The following GARNL3 variants were observed in gnomAD, a reference collection of about 807,000 sequenced individuals.
GARNL3 encodes the protein GTPase activating Rap/RanGAP domain like 3.
GARNL3 carries 63 observed loss-of-function variants against 125.0 expected under a neutral mutation model. The ratio of observed to expected loss-of-function variants is 0.50; its 90% CI spans 0.41 to 0.62. The LOEUF (loss-of-function observed/expected upper bound fraction) is 0.62, where lower values mean the gene tolerates loss of function less well. Among genes scored for constraint, GARNL3 ranks in the 20% least tolerant of loss-of-function variants. The pLI is 0.00. For missense variants in GARNL3, 994 were observed against 1,244.0 expected (o/e 0.80, Z 3.02); for synonymous variants, 439 against 457.5 (o/e 0.96, Z 0.52).
chr9:127,341,656 C>A (rs181886362), intron 13 of GARNL3, among the ~76,000 whole-genome samples: 6 of 152,232 alleles, frequency 3.9e-5, no homozygotes, highest in Admixed American at 3.3e-4. Flanking sequence ...AAGGAAGGGG[C>A]CGCTAAAGAC....
intron 2 of GARNL3, among the ~76,000 whole-genome samples, chr9:127,256,015 C>T (rs2063489295): frequency 6.6e-6 from 1 of 152,182 alleles, no homozygotes; most frequent in African/African-American, 2.4e-5. Context: ...CAAGGGATTT[C>T]CCCAAAGAAG....
At chr9:127,297,970 A>G (rs571672594) in intron 2 of GARNL3, among the ~76,000 whole-genome samples, 3 of 152,212 alleles carry the variant, frequency 2.0e-5, no homozygotes, top group African/African-American at 4.8e-5. Flanking sequence ...TTCAATTGCT[A>G]TTTCCCAAAC....
chr9:127,314,298 T>C (rs2065174919), intron 4 of GARNL3, among the ~76,000 whole-genome samples: 1 of 152,190 alleles, frequency 6.6e-6, no homozygotes, highest in Non-Finnish European at 1.5e-5. Flanking sequence ...TTGCAGCCAC[T>C]GAGTTGCTAC....
intron 1 of GARNL3, among the ~76,000 whole-genome samples, chr9:127,282,188 TAGTA>T (rs768149576): frequency 1.1e-3 from 168 of 152,304 alleles, no homozygotes; most frequent in Admixed American, 1.8e-3. Context: ...GTCCAGCAGT[TAGTA>T]CAGGCCCTGA....
rs979007203 is a variant in GARNL3, at chr9:127,375,120, G to A, written c.2162-8318G>A. On this transcript the variant is annotated intron_variant, in intron 22 of 27. Coordinates refer to ENST00000373387, the MANE Select transcript of GARNL3 (RefSeq NM_032293.5). ...CAGTTCTTCAAAAAGTTAAACATTC[G>A]CTCACCATATGGCCCAGCCGTTCCA... 6.6e-5 allele frequency among the ~76,000 whole-genome samples: 10 copies of A among 152,096 alleles called. No homozygotes were observed. The East Asian group carries it at 1.2e-3, about 18-fold the overall frequency.
chr9:127,276,380 ATT>A (rs1554897934), intron 1 of GARNL3, among the ~76,000 whole-genome samples: 1 of 136,834 alleles, frequency 7.3e-6, no homozygotes. Context: ...CCTTCTCAGC[ATT>A]TTTTTTTTTT....
chr9:127,332,357 A>T lies in GARNL3; in HGVS notation c.670+8A>T. Reference sequence around the variant, plus strand: ...ATGAGATGTTCAGCAATGGTGAGTGATCTCCTCCCGCTCTCTGCTGCCAGA... The same window carrying T: ...ATGAGATGTTCAGCAATGGTGAGTGTTCTCCTCCCGCTCTCTGCTGCCAGA... On this transcript the variant is annotated splice_region_variant and intron_variant, in intron 8 of 27. Transcript: ENST00000373387. 6.2e-7 allele frequency: 1 copy of T among 1,611,188 alleles called. No individual in the cohort carries two copies. The highest frequency in any genetic ancestry group is 8.5e-7 in the Non-Finnish European group (1 of 1,177,350).
chr9:127,374,602 A>G (rs367863935), intron 22 of GARNL3, among the ~76,000 whole-genome samples: 45 of 152,318 alleles, frequency 3.0e-4, no homozygotes, highest in African/African-American at 1.1e-3. Flanking sequence ...CAAATCACCT[A>G]TCTCATACAG....
At chr9:127,341,863 G>C (rs551994379) in intron 13 of GARNL3, among the ~76,000 whole-genome samples, 1 of 152,170 alleles carries the variant, frequency 6.6e-6, no homozygotes, top group Non-Finnish European at 1.5e-5. Flanking sequence ...GAGAGGGTGT[G>C]TTGAGGAGAT....
At chr9:127,302,241 C>T (rs1226207371) in intron 2 of GARNL3, among the ~76,000 whole-genome samples, 1 of 151,990 alleles carries the variant, frequency 6.6e-6, no homozygotes, top group Non-Finnish European at 1.5e-5. Context: ...CGCGCTCGGC[C>T]GGGAGAACTG....
At position 127,345,366 on chromosome 9, in the gene GARNL3, G is replaced by A. The variant is rs368439501; in HGVS notation, c.1357-37G>A. ...TTGTTTATCCTGCTGTACTTTTGCC[G>A]CCTAGTAAACTTTAATAGAGATCTC... is the stretch of plus-strand genomic sequence containing the variant. On this transcript the variant is annotated intron_variant, in intron 15 of 27. Coordinates refer to ENST00000373387, the MANE Select transcript of GARNL3 (RefSeq NM_032293.5). 6.7e-6 allele frequency: 9 copies of A among 1,333,878 alleles called. No individual in the cohort carries two copies. In the Admixed American group the frequency reaches 9.0e-5, roughly 13 times the overall value. The allele number at this position is 1,333,878 out of a possible 1,614,324, so 82.6% of individuals were successfully genotyped here.
At position 127,389,022 on chromosome 9, in the gene GARNL3, C is replaced by T. The variant is rs1224712490; in HGVS notation, c.2646C>T (p.Ile882=). The T allele has an allele frequency of 6.2e-7, 1 of 1,613,330 alleles. No individual in the cohort carries two copies. The highest frequency in any genetic ancestry group is 2.2e-5 in the East Asian group (1 of 44,894). The stretch of plus-strand genomic sequence containing the variant: ...AGGTCATCACCCCACCCACTCCCAT[C>T]AGTGTGGGCCTTGCTGCCATTCCAG... The part of the protein sequence containing the change: ...VSKVITPPTP[I]SVGLAAIPVT... The change falls in exon 26 of 28, where the codon ATC becomes ATT. Residue 882 remains isoleucine (I), a synonymous_variant. Coordinates refer to ENST00000373387, the MANE Select transcript of GARNL3 (RefSeq NM_032293.5).
intron 2 of GARNL3, among the ~76,000 whole-genome samples, chr9:127,251,723 G>A (rs1415035413): frequency 6.6e-6 from 1 of 152,056 alleles, no homozygotes; most frequent in Non-Finnish European, 1.5e-5. Flanking sequence ...TCACATATTG[G>A]TATTGGCAAT....
intron 4 of GARNL3, among the ~76,000 whole-genome samples, chr9:127,313,969 C>A (rs961989871): frequency 6.6e-6 from 1 of 152,128 alleles, no homozygotes; most frequent in Admixed American, 6.5e-5. Flanking sequence ...AACTGTGGAT[C>A]CACATGGGCC....
rs1481922427 is a variant in GARNL3, at chr9:127,296,549, G to A, written c.219+5307G>A. On this transcript the variant is annotated intron_variant, in intron 2 of 27. Transcript: ENST00000373387. ...TGCAATGGCGCGATCTTGGCTCACT[G>A]TAACCTCCACCTCCTGGGTTGAAAC... is the stretch of plus-strand genomic sequence containing the variant. Among the ~76,000 whole-genome samples, 3 of 137,596 alleles carry A rather than the reference G, an allele frequency of 2.2e-5. No individual in the cohort carries two copies. The East Asian group carries it at 6.5e-4, about 30-fold the overall frequency. 90.3% of individuals were successfully genotyped at this position (137,596 alleles called of 152,430 possible).
intron 2 of GARNL3, among the ~76,000 whole-genome samples, chr9:127,304,457 G>GATGTAT (rs2064889625): frequency 6.6e-6 from 1 of 151,404 alleles, no homozygotes; most frequent in Non-Finnish European, 1.5e-5. Context: ...TGTGTCACCG[G>GATGTAT]ATGTATACCC....
intron 13 of GARNL3, 50 bp downstream of exon 13, chr9:127,339,801 C>T (rs1829764327): frequency 1.8e-6 from 2 of 1,097,604 alleles, no homozygotes; most frequent in East Asian, 2.3e-5. Context: ...TGTCAGAATA[C>T]ATTTCTTCAG....
At chr9:127,340,061 A>C (rs903511310) in intron 13 of GARNL3, among the ~76,000 whole-genome samples, 1 of 152,010 alleles carries the variant, frequency 6.6e-6, no homozygotes, top group Non-Finnish European at 1.5e-5. Flanking sequence ...CTGCTTGTAT[A>C]TGTATCTGTA....
At chr9:127,225,450 T>C in intron 1 of GARNL3, 1 of 764,080 alleles carries the variant, frequency 1.3e-6, no homozygotes, top group Middle Eastern at 6.7e-4. Context: ...GCCGGCCACG[T>C]GGGGGGATGG....
Sources: allele counts gnomAD v4.1 joint callset (sites outside exome capture counted in the v4.1 genomes callset), GRCh38; gene constraint gnomAD v4.1.1; transcripts MANE v1.5; gene names NCBI Gene and HGNC (gene_info 2026-07-23, HGNC 2026-07-21).